The following ABTB3 variants were observed in gnomAD, a reference collection of about 807,000 sequenced individuals.
The protein encoded by ABTB3 is ankyrin repeat- and BTB/POZ domain-containing protein 3.
At chr12:107,538,406 A>T in the ABTB3 span, among the ~76,000 whole-genome samples, 1 of 152,198 alleles carries the variant, frequency 6.6e-6, no homozygotes, top group South Asian at 2.1e-4. Flanking sequence ...AGTGCTAAGA[A>T]TTATCCTGCA....
chr12:107,457,219 C>T, the ABTB3 span, among the ~76,000 whole-genome samples: 1 of 152,322 alleles, frequency 6.6e-6, no homozygotes, highest in South Asian at 2.1e-4. Context: ...TTGTTCACAG[C>T]TGCCTGTGTT....
At chr12:107,341,919 C>T in the ABTB3 span, among the ~76,000 whole-genome samples, 27 of 152,280 alleles carry the variant, frequency 1.8e-4, no homozygotes, top group African/African-American at 6.5e-4. Context: ...CCCCACTCAC[C>T]TTCTGCCATG....
the ABTB3 span, among the ~76,000 whole-genome samples, chr12:107,429,677 A>C: frequency 6.6e-6 from 1 of 152,236 alleles, no homozygotes; most frequent in Non-Finnish European, 1.5e-5. Context: ...AGGGCTCTGC[A>C]CACAAGATAG....
the ABTB3 span, among the ~76,000 whole-genome samples, chr12:107,323,508 G>A: frequency 6.6e-6 from 1 of 152,226 alleles, no homozygotes; most frequent in Non-Finnish European, 1.5e-5. Flanking sequence ...TTTCAGAACT[G>A]GAGTTTTGTG....
At chr12:107,462,794 T>C in the ABTB3 span, among the ~76,000 whole-genome samples, 4 of 151,396 alleles carry the variant, frequency 2.6e-5, no homozygotes, top group Admixed American at 2.6e-4. Flanking sequence ...GTCACAGTGA[T>C]AATGATGGTG....
chr12:107,572,391 G>A, the ABTB3 span, among the ~76,000 whole-genome samples: 1 of 152,008 alleles, frequency 6.6e-6, no homozygotes, highest in Non-Finnish European at 1.5e-5. Context: ...CCACCAGATT[G>A]TTGTTTCAAG....
At chr12:107,599,349 G>A in the ABTB3 span, among the ~76,000 whole-genome samples, 1 of 152,176 alleles carries the variant, frequency 6.6e-6, no homozygotes, top group South Asian at 2.1e-4. Context: ...TGAGAAAGTG[G>A]AAGCATAGCC....
chr12:107,579,632 C>A, the ABTB3 span, among the ~76,000 whole-genome samples: 1 of 152,222 alleles, frequency 6.6e-6, no homozygotes, highest in Non-Finnish European at 1.5e-5. Context: ...CTCATGACAT[C>A]TGCATTTCTC....
the ABTB3 span, among the ~76,000 whole-genome samples, chr12:107,416,952 C>A: frequency 6.6e-6 from 1 of 152,156 alleles, no homozygotes; most frequent in Non-Finnish European, 1.5e-5. Flanking sequence ...CCTCTTAATG[C>A]AAGGTGGGTT....
chr12:107,521,297 GTGTGTGTA>G, the ABTB3 span, among the ~76,000 whole-genome samples: 4 of 138,776 alleles, frequency 2.9e-5, no homozygotes, highest in East Asian at 2.2e-4. Flanking sequence ...GTGTGTGTGT[GTGTGTGTA>G]TAAGGTTACC....
the ABTB3 span, among the ~76,000 whole-genome samples, chr12:107,468,618 A>G: frequency 6.6e-6 from 1 of 152,118 alleles, no homozygotes; most frequent in Non-Finnish European, 1.5e-5. Flanking sequence ...GGCATTCCAT[A>G]CTCAGTGGAA....
the ABTB3 span, chr12:107,617,595 C>CAGCT: frequency 2.3e-6 from 2 of 867,564 alleles, no homozygotes; most frequent in Non-Finnish European, 1.7e-6. Context: ...CCCTACCTGC[C>CAGCT]AGCTGACAGC....
chr12:107,654,608 T>A, the ABTB3 span, among the ~76,000 whole-genome samples: 3 of 152,204 alleles, frequency 2.0e-5, no homozygotes, highest in Non-Finnish European at 2.9e-5. Context: ...CTCAAATTCC[T>A]GCTTTCAGTT....
the ABTB3 span, among the ~76,000 whole-genome samples, chr12:107,441,071 C>G: frequency 6.6e-6 from 1 of 152,164 alleles, no homozygotes; most frequent in Non-Finnish European, 1.5e-5. Context: ...GCAGACCCAG[C>G]CTCAGCTTCA....
At chr12:107,430,808 C>T in the ABTB3 span, among the ~76,000 whole-genome samples, 4 of 152,044 alleles carry the variant, frequency 2.6e-5, no homozygotes, top group Admixed American at 2.6e-4. Context: ...TTATGAAATA[C>T]CTTCTGTCAT....
At chr12:107,657,468 G>A in the ABTB3 span, 3,788 of 1,564,640 alleles carry the variant, frequency 2.4e-3, 56 homozygotes, top group East Asian at 0.024. Flanking sequence ...GGTGCTTTTC[G>A]GAAGCGTAAC....
At chr12:107,340,667 A>C in the ABTB3 span, among the ~76,000 whole-genome samples, 2 of 151,750 alleles carry the variant, frequency 1.3e-5, no homozygotes, top group Non-Finnish European at 2.9e-5. Context: ...ACCCTTGGAG[A>C]ATCGATTAAG....
the ABTB3 span, among the ~76,000 whole-genome samples, chr12:107,376,688 A>G: frequency 6.6e-6 from 1 of 152,158 alleles, no homozygotes; most frequent in African/African-American, 2.4e-5. Flanking sequence ...ACCGAGAAAC[A>G]AGTACTACTG....
chr12:107,333,689 A>G, the ABTB3 span, among the ~76,000 whole-genome samples: 37 of 152,212 alleles, frequency 2.4e-4, no homozygotes, highest in Non-Finnish European at 4.7e-4. Context: ...AGAGCCTACT[A>G]TATACCAGGT....
Sources: allele counts gnomAD v4.1 joint callset (sites outside exome capture counted in the v4.1 genomes callset), GRCh38; gene constraint gnomAD v4.1.1; transcripts MANE v1.5; gene names NCBI Gene and HGNC (gene_info 2026-07-23, HGNC 2026-07-21).